The following AGRN variants were observed in gnomAD, a reference collection of about 807,000 sequenced individuals.
The protein encoded by AGRN is agrin, also known as agrin proteoglycan.
A neutral mutation model predicts 211.0 loss-of-function variants in AGRN; 106 were observed. The ratio of observed to expected loss-of-function variants is 0.50; its 90% CI spans 0.43 to 0.59. AGRN has a LOEUF of 0.59. Ranked by LOEUF, AGRN falls within the 20% of genes least tolerant of loss-of-function variation. The pLI, the probability that AGRN is intolerant of heterozygous loss-of-function variation, is 0.00. For synonymous variants in AGRN, 1,525 were observed against 1,332.5 expected, an observed-to-expected ratio of 1.14 and a Z score of -3.15; for missense variants, 3,040 against 2,982.6, an observed-to-expected ratio of 1.02 and a Z score of -0.45.
chr1:1,053,137 A>T, intron 33 of AGRN: 1 of 272,432 alleles, frequency 3.7e-6, no homozygotes, highest in South Asian at 3.5e-5. Flanking sequence ...CCCTACGCCT[A>T]CCTCCTTGAT....
At chr1:1,026,601 C>G (rs1259526901) in intron 2 of AGRN, among the ~76,000 whole-genome samples, 1 of 152,126 alleles carries the variant, frequency 6.6e-6, no homozygotes, top group African/African-American at 2.4e-5. Flanking sequence ...CACAGCCCCA[C>G]CAGCGGCCTG....
intron 6 of AGRN, 62 bp downstream of exon 6, chr1:1,041,764 C>T (rs1390141160): frequency 1.4e-5 from 19 of 1,402,512 alleles, no homozygotes; most frequent in African/African-American, 1.2e-4. Flanking sequence ...GCGGCTCCCC[C>T]GGGGGAGGGC....
At chr1:1,044,460 G>A in intron 12 of AGRN, 21 bp downstream of exon 12, 1 of 1,594,662 alleles carries the variant, frequency 6.3e-7, no homozygotes, top group Non-Finnish European at 8.5e-7. Context: ...TGCACGTGGG[G>A]TCTCAGGCAC....
In AGRN at chr1:1,049,713, GC is replaced by G; in HGVS notation, c.4665del (p.Asn1556ThrfsTer93). 1 of 1,581,066 alleles carries G rather than the reference GC, an allele frequency of 6.3e-7. No homozygotes were observed. The highest frequency in any genetic ancestry group is 8.6e-7 in the Non-Finnish European group (1 of 1,165,104). On this transcript the variant is annotated frameshift_variant, in exon 26 of 36. Transcript: ENST00000379370. LOFTEE classifies it high-confidence loss of function. ...VGECGDHPCLPNPCHGGAPCQ... is the reference protein window; with the variant it reads ...VGECGDHPCLXNPCHGGAPCQ... Reference sequence around the variant, plus strand: ...GCGAGTGCGGGGACCACCCCTGCCTGCCCAACCCCTGCCATGGCGGGGCCCC... The same window carrying G: ...GCGAGTGCGGGGACCACCCCTGCCTGCCAACCCCTGCCATGGCGGGGCCCC...
intron 34 of AGRN, 147 bp from the exon 35 acceptor site, chr1:1,054,301 C>A: frequency 1.3e-6 from 1 of 767,018 alleles, no homozygotes; most frequent in Non-Finnish European, 2.1e-6. Flanking sequence ...GGGTCAAGGC[C>A]ACCTCATCCT....
intron 7 of AGRN, among the ~76,000 whole-genome samples, chr1:1,042,772 G>T (rs1644980797): frequency 6.6e-6 from 1 of 152,060 alleles, no homozygotes. Context: ...GCGGCAGGGG[G>T]GGTGGCTTGC....
chr1:1,029,629 ATG>A (rs1413976423), intron 2 of AGRN, among the ~76,000 whole-genome samples: 11 of 87,968 alleles, frequency 1.3e-4, no homozygotes, highest in African/African-American at 3.2e-4. Flanking sequence ...TGAGATCAGC[ATG>A]TGTGTGTGTG....
At chr1:1,020,790 G>A (rs1644380490) in intron 1 of AGRN, among the ~76,000 whole-genome samples, 1 of 147,822 alleles carries the variant, frequency 6.8e-6, no homozygotes, top group African/African-American at 2.4e-5. Flanking sequence ...AGAGAAAAAG[G>A]GGCGCACAGC....
chr1:1,047,114 C>A, intron 19 of AGRN, 157 bp downstream of exon 19: 1 of 1,393,700 alleles, frequency 7.2e-7, no homozygotes, highest in Non-Finnish European at 9.6e-7. Flanking sequence ...CCTAACCCGT[C>A]TCTCTCGTTG....
chr1:1,051,918 G>A, intron 33 of AGRN, 103 bp downstream of exon 33: 1 of 1,549,064 alleles, frequency 6.5e-7, no homozygotes. Flanking sequence ...GCCCGGTGCT[G>A]CCACCTCTGT....
chr1:1,045,216 C>G lies in AGRN; in HGVS notation c.2310C>G (p.Pro770=), dbSNP rs939870757. ...CCCCCTTACACTGTGCCCAGACGCC[C>G]TACGGCTGCTGCCAGGACAATATCA... ...PVAPLHCAQT[P]YGCCQDNITA... The change falls in exon 13 of 36, where the codon CCC becomes CCG. Residue 770 remains proline, a synonymous_variant. Coordinates refer to ENST00000379370, the MANE Select transcript of AGRN (RefSeq NM_198576.4). 1 of 1,612,528 alleles carries G rather than the reference C, an allele frequency of 6.2e-7. No individual in the cohort carries two copies.
At chr1:1,023,054 T>C (rs995696935) in intron 2 of AGRN, among the ~76,000 whole-genome samples, 1 of 152,144 alleles carries the variant, frequency 6.6e-6, no homozygotes, top group African/African-American at 2.4e-5. Flanking sequence ...CAAGTCCCAG[T>C]TGGGGACTGA....
chr1:1,035,522 C>T (rs951377735), intron 3 of AGRN, among the ~76,000 whole-genome samples, 198 bp downstream of exon 3: 1 of 152,228 alleles, frequency 6.6e-6, no homozygotes, highest in Admixed American at 6.5e-5. Flanking sequence ...CGCCGCCTGA[C>T]GGCACTGGAC....
At chr1:1,035,203 C>T in intron 2 of AGRN, 74 bp from the exon 3 acceptor site, 1 of 1,553,906 alleles carries the variant, frequency 6.4e-7, no homozygotes, top group Admixed American at 1.7e-5. Flanking sequence ...TGCCCCTTTC[C>T]AGGCTGGGCA....
chr1:1,051,335 C>CCGTGTCCTCTGGCTT lies in AGRN; in HGVS notation c.5339_5353dup (p.Val1780_Phe1784dup). 1 of 1,569,082 alleles carries CCGTGTCCTCTGGCTT rather than the reference C, an allele frequency of 6.4e-7. No homozygotes were observed. The highest frequency in any genetic ancestry group is 8.6e-7 in the Non-Finnish European group (1 of 1,157,842). On this transcript the variant is annotated inframe_insertion, in exon 31 of 36. Coordinates refer to ENST00000379370, the MANE Select transcript of AGRN (RefSeq NM_198576.4). Reference sequence around the variant, plus strand: ...TTCAGCAAGCTGGCCCGTGCTGCTGCCGTGTCCTCTGGCTTCGACGGTGCC... The same window carrying CCGTGTCCTCTGGCTT: ...TTCAGCAAGCTGGCCCGTGCTGCTGCCGTGTCCTCTGGCTTCGTGTCCTCTGGCTTCGACGGTGCC...
chr1:1,046,937 C>G lies in AGRN; in HGVS notation c.3368C>G (p.Ala1123Gly). ...GATGGGAAGACGCCCTCGCTGGACGCAGAGGGCTCCAACTGCCCCGGTGAG... is the reference window on the plus strand; with the variant it reads ...GATGGGAAGACGCCCTCGCTGGACGGAGAGGGCTCCAACTGCCCCGGTGAG... ...CSDGKTPSLD[A>G]EGSNCPATKV... is the part of the protein sequence containing the mutation. Residue 1123 changes from alanine to glycine, a missense_variant, in exon 19 of 36, where the codon GCA (alanine) becomes GGA (glycine). Physicochemically the swap from Ala to Gly is moderately conservative, Grantham distance 60. Transcript: ENST00000379370. The G allele has an allele frequency of 6.3e-7, 1 of 1,579,966 alleles. No individual in the cohort carries two copies. Among genetic ancestry groups the G allele is most frequent in the Non-Finnish European group, 8.6e-7 (1 of 1,163,792 alleles).
At chr1:1,026,071 C>G (rs755580621) in intron 2 of AGRN, among the ~76,000 whole-genome samples, 1 of 152,078 alleles carries the variant, frequency 6.6e-6, no homozygotes, top group African/African-American at 2.4e-5. Context: ...GTGGAGATGA[C>G]CTCTTTGAGA....
Position 1,051,945 on chromosome 1 carries a change from C to G in AGRN, c.5651+130C>G, listed in dbSNP as rs1645306287. The G allele has an allele frequency of 5.2e-6, 8 of 1,548,694 alleles. No individual in the cohort carries two copies. In the South Asian group the frequency reaches 9.6e-5, roughly 19 times the overall value. On this transcript the variant is annotated intron_variant, in intron 33 of 35. Coordinates refer to ENST00000379370, the MANE Select transcript of AGRN (RefSeq NM_198576.4). ...CACCTCTGTCCTCCCGCCTCTCTCT[C>G]ACCTCCCGGTCCTCCCGCCTCTCAC...
At chr1:1,021,208 GT>G (rs1413901778) in intron 1 of AGRN, among the ~76,000 whole-genome samples, 1 of 152,212 alleles carries the variant, frequency 6.6e-6, no homozygotes, top group Non-Finnish European at 1.5e-5. Context: ...CGCCGGCCCA[GT>G]CTCCTCCACA....
Sources: allele counts gnomAD v4.1 joint callset (sites outside exome capture counted in the v4.1 genomes callset), GRCh38; gene constraint gnomAD v4.1.1; transcripts MANE v1.5; gene names NCBI Gene and HGNC (gene_info 2026-07-23, HGNC 2026-07-21).